The following ATPAF1 variants were observed in gnomAD, a reference collection of about 807,000 sequenced individuals.
The protein encoded by ATPAF1 is ATP synthase mitochondrial F1 complex assembly factor 1, also known as homolog of yeast ATP11.
Under a neutral mutation model 43.9 loss-of-function variants are expected in ATPAF1, and 26 were observed. The observed-to-expected ratio is 0.59, with a 90% CI of 0.43 to 0.82. The LOEUF (loss-of-function observed/expected upper bound fraction) is 0.82, where lower values mean the gene tolerates loss of function less well. ATPAF1 is among the 40% of genes least tolerant of loss of function. The pLI is 0.00. For synonymous variants in ATPAF1, 157 were observed against 168.0 expected, an observed-to-expected ratio of 0.93 and a Z score of 0.50; for missense variants, 366 against 435.0, an observed-to-expected ratio of 0.84 and a Z score of 1.41.
intron 6 of ATPAF1, among the ~76,000 whole-genome samples, chr1:46,650,363 G>GA (rs60817653): frequency 0.095 from 13,232 of 139,072 alleles, 1,421 homozygotes; most frequent in East Asian, 0.4. Context: ...ATCTCTAAAT[G>GA]AAAAAAAAAA....
At chr1:46,659,967 T>TTTTC (rs536041404) in intron 2 of ATPAF1, among the ~76,000 whole-genome samples, 1 of 149,692 alleles carries the variant, frequency 6.7e-6, no homozygotes, top group Non-Finnish European at 1.5e-5. Flanking sequence ...GTTAATTTCA[T>TTTTC]TTTCTTTCTT....
In ATPAF1 at chr1:46,663,882, T is replaced by C. The variant is rs956671887; in HGVS notation, c.375+1374A>G. 20 of 1,276,524 alleles carry C rather than the reference T, an allele frequency of 1.6e-5. No individual in the cohort carries two copies. In the Admixed American group the frequency reaches 4.5e-4, roughly 29 times the overall value. 79.1% of individuals were successfully genotyped at this position (1,276,524 alleles called of 1,614,324 possible). On this transcript the variant is annotated intron_variant, in intron 2 of 8. Coordinates refer to ENST00000574428, the Ensembl canonical transcript of ATPAF1. ...CACCTGGATTACTCCATATTCTCCC[T>C]GGCGCTGGCCTCTCCTACACCAGTT...
intron 7 of ATPAF1, 90 bp downstream of exon 7, chr1:46,645,070 GC>G: frequency 1.1e-6 from 1 of 945,848 alleles, no homozygotes; most frequent in Non-Finnish European, 1.6e-6. Flanking sequence ...GGAGTAAGCA[GC>G]TATTCTGTGT....
At chr1:46,662,817 A>G (rs1676416071) in intron 2 of ATPAF1, among the ~76,000 whole-genome samples, 1 of 152,182 alleles carries the variant, frequency 6.6e-6, no homozygotes. Flanking sequence ...GTTTTAGGGT[A>G]CATGTACACA....
rs779645559 is a variant in ATPAF1, at chr1:46,668,162, C to T, written c.161G>A (p.Gly54Asp). The change falls in exon 1 of 9, where the codon GGC becomes GAC. Residue 54 changes from glycine (G) to aspartate (D), a missense_variant. Physicochemically the swap from Gly to Asp is moderately conservative, Grantham distance 94. This residue lies in a region of ATPAF1 where 186 missense variants were observed against 168.5 expected (regional missense o/e 1.10). Transcript: ENST00000574428. The surrounding 1 kb of genome is among the most constrained non-coding windows in gnomAD (Gnocchi z 4.4). Reference sequence around the variant, plus strand: ...GCTGTCGGCGCCCCCCTCGGGCCGGCCCGAGCCGGGGCGCACTGGGAAGAC... The same window carrying T: ...GCTGTCGGCGCCCCCCTCGGGCCGGTCCGAGCCGGGGCGCACTGGGAAGAC... The T allele has an allele frequency of 6.3e-5, 89 of 1,402,898 alleles. No homozygotes were observed. In the East Asian group the frequency reaches 2.3e-3, roughly 36 times the overall value. The allele number at this position is 1,402,898 out of a possible 1,614,324, so 86.9% of individuals were successfully genotyped here.
chr1:46,668,408 C>G, upstream of ATPAF1: 2 of 1,180,482 alleles, frequency 1.7e-6, no homozygotes, highest in Non-Finnish European at 2.1e-6. This position sits in a 1 kb window ranked among gnomAD's most constrained non-coding sequence, Gnocchi z 4.4. Context: ...CCGAGTGCGC[C>G]GCGCCCGCGC....
At chr1:46,633,892 C>A, downstream of ATPAF1, 2 of 453,322 alleles carry the variant, frequency 4.4e-6, no homozygotes, top group Non-Finnish European at 8.9e-6. Flanking sequence ...GTCAAAAATT[C>A]TTGGGACCCA....
chr1:46,661,321 C>T (rs1429303491), intron 2 of ATPAF1, among the ~76,000 whole-genome samples: 2 of 152,114 alleles, frequency 1.3e-5, no homozygotes, highest in East Asian at 3.9e-4. Context: ...AAGTGATCTG[C>T]CACCTTGGCC....
upstream of ATPAF1, chr1:46,668,463 A>AGCGGCGAGGCGGG (rs1553120619): frequency 3.2e-6 from 3 of 941,468 alleles, no homozygotes; most frequent in African/African-American, 5.3e-5. This position sits in a 1 kb window ranked among gnomAD's most constrained non-coding sequence, Gnocchi z 4.4. Context: ...GGCGCGGGAT[A>AGCGGCGAGGCGGG]GCGGCGAGGC....
chr1:46,658,226 TAAAAA>T, intron 3 of ATPAF1, 37 bp from the exon 4 acceptor site: 4 of 1,145,150 alleles, frequency 3.5e-6, no homozygotes, highest in South Asian at 2.9e-5. Flanking sequence ...AACACATAAT[TAAAAA>T]AAAAAAAAAA....
intron 6 of ATPAF1, among the ~76,000 whole-genome samples, chr1:46,648,239 G>C (rs2476153): frequency 0.14 from 21,322 of 152,098 alleles, 3,828 homozygotes; most frequent in African/African-American, 0.4. Flanking sequence ...AGCTTCCGGA[G>C]TAGCTGAGAT....
chr1:46,640,150 C>T (rs1675924065), intron 8 of ATPAF1, among the ~76,000 whole-genome samples: 1 of 152,194 alleles, frequency 6.6e-6, no homozygotes. Flanking sequence ...TACCCAGCTT[C>T]CATTCCATGG....
At chr1:46,667,764 A>T (rs1346330145) in intron 1 of ATPAF1, among the ~76,000 whole-genome samples, 1 of 152,210 alleles carries the variant, frequency 6.6e-6, no homozygotes, top group Non-Finnish European at 1.5e-5. Flanking sequence ...TATAATGAGG[A>T]CAGGTGTCTC....
chr1:46,652,965 C>T (rs556425762), intron 5 of ATPAF1, among the ~76,000 whole-genome samples: 1 of 151,938 alleles, frequency 6.6e-6, no homozygotes, highest in Non-Finnish European at 1.5e-5. Context: ...TAAAACATCA[C>T]AAAAAGCGCA....
intron 8 of ATPAF1, among the ~76,000 whole-genome samples, chr1:46,639,299 C>T (rs1431208997): frequency 6.6e-6 from 1 of 152,142 alleles, no homozygotes; most frequent in East Asian, 1.9e-4. Flanking sequence ...TTATGTCTCT[C>T]AGCATTTACT....
At chr1:46,665,766 G>A in intron 1 of ATPAF1, 1 of 1,510,012 alleles carries the variant, frequency 6.6e-7, no homozygotes, top group South Asian at 1.3e-5. Flanking sequence ...TTGAAAATAT[G>A]TCCCCCCAAC....
At chr1:46,663,975 T>C (rs1676445499) in intron 2 of ATPAF1, 1 of 1,093,534 alleles carries the variant, frequency 9.1e-7, no homozygotes, top group African/African-American at 1.6e-5. Flanking sequence ...TAGTGGATTG[T>C]GATCAGAGTT....
At chr1:46,639,360 C>G (rs536291193) in intron 8 of ATPAF1, among the ~76,000 whole-genome samples, 1 of 152,172 alleles carries the variant, frequency 6.6e-6, no homozygotes, top group Non-Finnish European at 1.5e-5. Context: ...ATTAGGCTAA[C>G]TCCTGCTGTT....
At chr1:46,658,872 T>C (rs1201365717) in intron 2 of ATPAF1, 135 bp from the exon 3 acceptor site, 1 of 533,982 alleles carries the variant, frequency 1.9e-6, no homozygotes, top group Non-Finnish European at 3.1e-6. Flanking sequence ...TTATAATAAT[T>C]GTTCTAAAAT....
Sources: allele counts gnomAD v4.1 joint callset (sites outside exome capture counted in the v4.1 genomes callset), GRCh38; gene constraint gnomAD v4.1.1; regional missense constraint gnomAD v4.1.1; non-coding constraint Gnocchi (gnomAD v3.1); transcripts MANE v1.5; gene names NCBI Gene and HGNC (gene_info 2026-07-23, HGNC 2026-07-21).